CFAP95: variants seen among roughly 807,000 people sequenced by gnomAD.
CFAP95 encodes the protein cilia and flagella associated protein 95, also known as cilia- and flagella-associated protein 95.
the CFAP95 span, among the ~76,000 whole-genome samples, chr9:69,877,059 G>A: frequency 3.3e-5 from 5 of 152,124 alleles, no homozygotes; most frequent in African/African-American, 2.4e-5. Flanking sequence ...AATATGAAAT[G>A]TCAAATTCTA....
chr9:69,857,822 C>T, the CFAP95 span: 1 of 1,196,338 alleles, frequency 8.4e-7, no homozygotes, highest in Non-Finnish European at 1.2e-6. Context: ...GCCACTGCGC[C>T]CAGCCCCTAA....
At chr9:69,851,471 G>C in the CFAP95 span, among the ~76,000 whole-genome samples, 1 of 152,098 alleles carries the variant, frequency 6.6e-6, no homozygotes, top group African/African-American at 2.4e-5. Context: ...CTCTAGGCTG[G>C]TAAGTCTGCA....
chr9:69,891,428 G>A, the CFAP95 span, among the ~76,000 whole-genome samples: 128,632 of 151,952 alleles, frequency 0.85, 54,521 homozygotes, highest in Middle Eastern at 0.9. Flanking sequence ...CTCCACTAAA[G>A]CAAACAAAGA....
chr9:69,904,622 T>C, the CFAP95 span, among the ~76,000 whole-genome samples: 1 of 152,190 alleles, frequency 6.6e-6, no homozygotes, highest in Non-Finnish European at 1.5e-5. Flanking sequence ...CCATAGACGC[T>C]GTATTTGAGG....
chr9:69,887,238 C>G, the CFAP95 span, among the ~76,000 whole-genome samples: 3 of 152,144 alleles, frequency 2.0e-5, no homozygotes, highest in Non-Finnish European at 4.4e-5. Flanking sequence ...AAATAAGTGG[C>G]TTAATATAGC....
At chr9:69,837,857 G>T in the CFAP95 span, among the ~76,000 whole-genome samples, 1 of 152,142 alleles carries the variant, frequency 6.6e-6, no homozygotes, top group South Asian at 2.1e-4. Flanking sequence ...GGGTTTTCAT[G>T]GTTTTAGGTC....
chr9:69,832,428 G>A, the CFAP95 span, among the ~76,000 whole-genome samples: 2 of 152,102 alleles, frequency 1.3e-5, no homozygotes, highest in African/African-American at 2.4e-5. Context: ...GTGTAATGTG[G>A]TAAGTCTTGC....
the CFAP95 span, among the ~76,000 whole-genome samples, chr9:69,859,827 C>T: frequency 6.6e-6 from 1 of 152,212 alleles, no homozygotes; most frequent in Non-Finnish European, 1.5e-5. Flanking sequence ...CCTAGACTAT[C>T]AACCTGTACA....
the CFAP95 span, chr9:69,884,661 T>G: frequency 9.8e-5 from 2 of 20,500 alleles, no homozygotes; most frequent in African/African-American, 2.1e-4. Context: ...AAATAGGAGG[T>G]TTTTTTTTTA....
the CFAP95 span, among the ~76,000 whole-genome samples, chr9:69,858,339 C>T: frequency 3.3e-5 from 5 of 152,280 alleles, no homozygotes; most frequent in East Asian, 1.9e-4. Context: ...CAACTGAGGT[C>T]GAACAGGGTG....
At chr9:69,833,486 C>G in the CFAP95 span, among the ~76,000 whole-genome samples, 1 of 152,148 alleles carries the variant, frequency 6.6e-6, no homozygotes, top group Non-Finnish European at 1.5e-5. Context: ...ACGGTGTGAG[C>G]TATTGCACCT....
the CFAP95 span, among the ~76,000 whole-genome samples, chr9:69,890,679 A>G: frequency 1.3e-5 from 2 of 152,366 alleles, no homozygotes; most frequent in Admixed American, 1.3e-4. Flanking sequence ...GGTCTACTAC[A>G]TCTGCAATTA....
the CFAP95 span, among the ~76,000 whole-genome samples, chr9:69,866,178 G>T: frequency 6.6e-6 from 1 of 152,192 alleles, no homozygotes; most frequent in Non-Finnish European, 1.5e-5. Flanking sequence ...GCTATATTTA[G>T]TCAGGCCAGG....
At chr9:69,836,874 T>G in the CFAP95 span, among the ~76,000 whole-genome samples, 1 of 99,762 alleles carries the variant, frequency 1.0e-5, no homozygotes, top group South Asian at 3.4e-4. Flanking sequence ...ATGCTATCCC[T>G]CCCGCCTCCC....
At chr9:69,883,784 T>C in the CFAP95 span, among the ~76,000 whole-genome samples, 1 of 152,044 alleles carries the variant, frequency 6.6e-6, no homozygotes, top group Non-Finnish European at 1.5e-5. Context: ...CTTTTTGTCT[T>C]AGTCTGGCTA....
the CFAP95 span, among the ~76,000 whole-genome samples, chr9:69,895,335 G>GTCTCTC: frequency 0.071 from 8,550 of 120,598 alleles, 523 homozygotes; most frequent in Admixed American, 0.094. Flanking sequence ...CTTAAAATCA[G>GTCTCTC]TCTCTCTCTC....
chr9:69,882,418 C>A, the CFAP95 span, among the ~76,000 whole-genome samples: 1 of 152,186 alleles, frequency 6.6e-6, no homozygotes, highest in African/African-American at 2.4e-5. Flanking sequence ...TTCTTCCTTT[C>A]CAATTTGGAT....
chr9:69,877,887 AT>A, the CFAP95 span, among the ~76,000 whole-genome samples: 1 of 152,194 alleles, frequency 6.6e-6, no homozygotes, highest in Non-Finnish European at 1.5e-5. Context: ...CAGGGGGAGA[AT>A]TTTCATGAGC....
the CFAP95 span, among the ~76,000 whole-genome samples, chr9:69,854,037 C>CA: frequency 5.9e-5 from 9 of 152,184 alleles, no homozygotes; most frequent in Non-Finnish European, 8.8e-5. Flanking sequence ...ATGTGGTCTG[C>CA]AACACCAGGC....
Sources: gnomAD v4.1 joint callset for allele counts (sites outside exome capture counted in the v4.1 genomes callset) on GRCh38, gnomAD v4.1.1 for gene constraint, MANE v1.5 for transcripts, NCBI Gene and HGNC (gene_info 2026-07-23, HGNC 2026-07-21) for gene names.